The following SLC30A9 variants were observed in gnomAD, a reference collection of about 807,000 sequenced individuals.
SLC30A9 encodes solute carrier family 30 member 9.
In SLC30A9, 58 loss-of-function variants were observed where a neutral mutation model predicts 87.5. The ratio of observed to expected loss-of-function variants is 0.66; its 90% CI spans 0.54 to 0.82. The LOEUF (loss-of-function observed/expected upper bound fraction) is 0.82, where lower values mean the gene tolerates loss of function less well. SLC30A9 is among the 40% of genes least tolerant of loss of function. The pLI, the probability that SLC30A9 is intolerant of heterozygous loss-of-function variation, is 0.00. For missense variants in SLC30A9, 557 were observed against 679.1 expected, an observed-to-expected ratio of 0.82 and a Z score of 2.00; for synonymous variants, 234 against 233.0, an observed-to-expected ratio of 1.00 and a Z score of -0.04.
At chr4:42,066,743 T>C (rs1053238583) in intron 13 of SLC30A9, 122 bp downstream of exon 13, 6 of 609,826 alleles carry the variant, frequency 9.8e-6, no homozygotes, top group Non-Finnish European at 1.7e-5. Flanking sequence ...CATCCCTGTG[T>C]GGCTCTTACA....
chr4:42,060,247 G>A lies in SLC30A9; in HGVS notation c.896+1G>A, dbSNP rs751226360. On this transcript the variant is annotated splice_donor_variant, in intron 10 of 17. Transcript: ENST00000264451. LOFTEE classifies it high-confidence loss of function. Reference sequence around the variant, plus strand: ...TTCAAACACCAGATCCTTCTCATCCGTAAGGACATTGCCTTATTTTGTTTT... The same window carrying A: ...TTCAAACACCAGATCCTTCTCATCCATAAGGACATTGCCTTATTTTGTTTT... 17 of 1,607,374 alleles carry A rather than the reference G, an allele frequency of 1.1e-5. No homozygotes were observed. The highest frequency in any genetic ancestry group is 1.3e-5 in the African/African-American group (1 of 74,786).
chr4:42,054,609 G>C lies in SLC30A9; in HGVS notation c.840+5130G>C, dbSNP rs566338301. Among the ~76,000 whole-genome samples the C allele has an allele frequency of 5.3e-5, 8 of 151,552 alleles. No homozygotes were observed. In the South Asian group the frequency reaches 1.7e-3, roughly 32 times the overall value. The stretch of plus-strand genomic sequence containing the variant: ...AGGTTCACACCATTCTCCTGCCTCA[G>C]CCTCCCGAGTAGCTGGGACTACAGG... On this transcript the variant is annotated intron_variant, in intron 9 of 17. Coordinates refer to ENST00000264451, the MANE Select transcript of SLC30A9 (RefSeq NM_006345.4).
At chr4:42,034,375 T>C (rs1716590646) in intron 6 of SLC30A9, among the ~76,000 whole-genome samples, 1 of 152,178 alleles carries the variant, frequency 6.6e-6, no homozygotes, top group Non-Finnish European at 1.5e-5. Flanking sequence ...TTCAGAGGTT[T>C]TTCATATTGC....
chr4:42,040,887 C>T (rs1019594167), intron 8 of SLC30A9, among the ~76,000 whole-genome samples: 1 of 151,512 alleles, frequency 6.6e-6, no homozygotes, highest in Non-Finnish European at 1.5e-5. Context: ...GAAAGAAAAC[C>T]AGGAGTGTAT....
chr4:42,034,172 CTTAG>C (rs781316171), intron 6 of SLC30A9, among the ~76,000 whole-genome samples: 21 of 149,926 alleles, frequency 1.4e-4, no homozygotes, highest in Non-Finnish European at 2.5e-4. Context: ...TTGTATCAGG[CTTAG>C]TTAACTTTTA....
intron 8 of SLC30A9, among the ~76,000 whole-genome samples, chr4:42,040,473 G>A (rs1344142113): frequency 6.6e-6 from 1 of 152,026 alleles, no homozygotes; most frequent in Non-Finnish European, 1.5e-5. Context: ...GATCACCTGA[G>A]GAATGTATGT....
chr4:42,079,991 A>G (rs1718696424), intron 17 of SLC30A9, among the ~76,000 whole-genome samples: 1 of 152,160 alleles, frequency 6.6e-6, no homozygotes, highest in Non-Finnish European at 1.5e-5. Context: ...ACATTTTTGC[A>G]AAAGTCTCTT....
chr4:42,003,202 C>CA (rs1715059875), intron 2 of SLC30A9, among the ~76,000 whole-genome samples: 1 of 151,894 alleles, frequency 6.6e-6, no homozygotes, highest in African/African-American at 2.4e-5. Context: ...TGTATTGATT[C>CA]AGTCTTGAAA....
chr4:42,070,734 T>C, intron 15 of SLC30A9, 43 bp downstream of exon 15: 1 of 1,517,118 alleles, frequency 6.6e-7, no homozygotes, highest in Non-Finnish European at 8.9e-7. Flanking sequence ...TACAAAAACA[T>C]ATTAAAAAAC....
intron 4 of SLC30A9, among the ~76,000 whole-genome samples, chr4:42,021,803 G>A (rs972070853): frequency 1.1e-4 from 17 of 151,758 alleles, no homozygotes; most frequent in Admixed American, 9.8e-4. Context: ...AGGCTGGAGT[G>A]CAGTGGCACA....
rs565850189 is a variant in SLC30A9, at chr4:42,033,800, G to C, written c.611-1475G>C. The stretch of plus-strand genomic sequence containing the variant: ...CCATGTTAGCCAGGATGGTCTCGAT[G>C]ATCTGACCTTGTGATCCACCCGCCT... On this transcript the variant is annotated intron_variant, in intron 6 of 17. Transcript: ENST00000264451. Among the ~76,000 whole-genome samples the C allele has an allele frequency of 3.2e-4, 48 of 152,194 alleles. No homozygotes were observed. The East Asian group carries it at 5.0e-3, about 16-fold the overall frequency.
At chr4:42,019,195 A>AAAT (rs1715839134) in intron 3 of SLC30A9, among the ~76,000 whole-genome samples, 1 of 152,218 alleles carries the variant, frequency 6.6e-6, no homozygotes, top group East Asian at 1.9e-4. Context: ...GAAAATTGTG[A>AAAT]AATAATAAAT....
At position 42,086,100 on chromosome 4, in the gene SLC30A9, C is replaced by T. The variant is rs1006969364; in HGVS notation, c.1681C>T (p.Arg561Ter). 1 of 1,504,714 alleles carries T rather than the reference C, an allele frequency of 6.6e-7. No individual in the cohort carries two copies. The highest frequency in any genetic ancestry group is 9.0e-7 in the Non-Finnish European group (1 of 1,113,322). The allele number at this position is 1,504,714 out of a possible 1,614,324, so 93.2% of individuals were successfully genotyped here. The stretch of plus-strand genomic sequence containing the variant: ...TTTCCAGAAACGAAATCCTGAAGTT[C>T]GACATGTAGATTTGGAGATACTGTG... Reference protein sequence around the residue: ...KELKKRNPEVRHVDLEIL With the variant: ...KELKKRNPEV Residue 561 changes from arginine to a stop codon, truncating the protein, a stop_gained, in exon 18 of 18, where the codon CGA (arginine) becomes TGA (stop). Transcript: ENST00000264451. LOFTEE classifies it high-confidence loss of function.
chr4:41,997,771 A>G (rs1714785210), intron 1 of SLC30A9, among the ~76,000 whole-genome samples: 1 of 152,216 alleles, frequency 6.6e-6, no homozygotes, highest in Admixed American at 6.5e-5. Flanking sequence ...TTCACACTTA[A>G]TAACCTCTTT....
intron 17 of SLC30A9, among the ~76,000 whole-genome samples, chr4:42,079,783 T>G: frequency 6.6e-6 from 1 of 151,216 alleles, no homozygotes; most frequent in Non-Finnish European, 1.5e-5. Flanking sequence ...AATTTTTGTT[T>G]TGTTTTGTAC....
At chr4:42,046,865 G>A (rs1192857059) in intron 8 of SLC30A9, among the ~76,000 whole-genome samples, 1 of 152,162 alleles carries the variant, frequency 6.6e-6, no homozygotes, top group Non-Finnish European at 1.5e-5. Flanking sequence ...AAAACAGCAT[G>A]GTACTGGTAC....
chr4:42,084,957 A>G (rs755408794), intron 17 of SLC30A9, among the ~76,000 whole-genome samples: 3 of 152,260 alleles, frequency 2.0e-5, no homozygotes, highest in Non-Finnish European at 4.4e-5. Flanking sequence ...TGCCTGGCAC[A>G]GAGTAGGCAT....
At chr4:42,035,495 T>C (rs970917853) in intron 7 of SLC30A9, among the ~76,000 whole-genome samples, 162 bp downstream of exon 7, 2 of 151,646 alleles carry the variant, frequency 1.3e-5, no homozygotes, top group African/African-American at 4.9e-5. Context: ...TCCGTCTGAT[T>C]TTCCTTTTTT....
chr4:42,063,789 CT>C (rs1717969359), intron 11 of SLC30A9, among the ~76,000 whole-genome samples: 1 of 152,086 alleles, frequency 6.6e-6, no homozygotes, highest in African/African-American at 2.4e-5. Flanking sequence ...GATTACCCTG[CT>C]TGGCTGCTCT....
Sources: allele counts gnomAD v4.1 joint callset (sites outside exome capture counted in the v4.1 genomes callset), GRCh38; gene constraint gnomAD v4.1.1; transcripts MANE v1.5; gene names NCBI Gene and HGNC (gene_info 2026-07-23, HGNC 2026-07-21).